The following FMN2 variants were observed in gnomAD, a reference collection of about 807,000 sequenced individuals.
The protein encoded by FMN2 is formin 2, also known as formin-2.
In FMN2, 51 loss-of-function variants were observed where a neutral mutation model predicts 142.3. The ratio of observed to expected loss-of-function variants is 0.36; its 90% CI spans 0.29 to 0.45. The LOEUF (loss-of-function observed/expected upper bound fraction) is 0.45, where lower values mean the gene tolerates loss of function less well. Ranked by LOEUF, FMN2 falls within the 20% of genes least tolerant of loss-of-function variation. The pLI, the probability that FMN2 is intolerant of heterozygous loss-of-function variation, is 1.00. For missense variants in FMN2, 1,936 were observed against 2,122.8 expected (o/e 0.91, Z 1.73); for synonymous variants, 882 against 869.8 (o/e 1.01, Z -0.25).
intron 6 of FMN2, among the ~76,000 whole-genome samples, chr1:240,252,878 T>C (rs1668322321): frequency 6.6e-6 from 1 of 151,572 alleles, no homozygotes; most frequent in Non-Finnish European, 1.5e-5. Flanking sequence ...TCATTTATTC[T>C]TCATCTTCTG....
chr1:240,323,213 C>T (rs1671040731), intron 8 of FMN2, among the ~76,000 whole-genome samples: 1 of 150,474 alleles, frequency 6.6e-6, no homozygotes, highest in Non-Finnish European at 1.5e-5. Flanking sequence ...CTCTCACACT[C>T]TCACTCTCTC....
chr1:240,269,407 C>CT (rs1257668805), intron 7 of FMN2, among the ~76,000 whole-genome samples: 1 of 151,998 alleles, frequency 6.6e-6, no homozygotes, highest in Non-Finnish European at 1.5e-5. Context: ...GACGATGTGT[C>CT]TATTTTTATG....
intron 13 of FMN2, among the ~76,000 whole-genome samples, chr1:240,341,630 G>T (rs1229200685): frequency 6.6e-6 from 1 of 152,206 alleles, no homozygotes; most frequent in Admixed American, 6.5e-5. Context: ...TTGTGATAGA[G>T]ACCTTCTATC....
At chr1:240,402,784 A>C (rs887170922) in intron 15 of FMN2, among the ~76,000 whole-genome samples, 1 of 152,244 alleles carries the variant, frequency 6.6e-6, no homozygotes, top group Non-Finnish European at 1.5e-5. Context: ...GAATTTGTCT[A>C]ATAAATGTCC....
chr1:240,408,172 G>A lies in FMN2; in HGVS notation c.4910+15610G>A, dbSNP rs558822862. On this transcript the variant is annotated intron_variant, in intron 15 of 17. Transcript: ENST00000319653. Reference sequence around the variant, plus strand: ...GTTAGCAATGAATCATGAGTTTTTCGGGGAAAAATTGATGAATTGATCAAA... The same window carrying A: ...GTTAGCAATGAATCATGAGTTTTTCAGGGAAAAATTGATGAATTGATCAAA... Among the ~76,000 whole-genome samples the A allele has an allele frequency of 1.7e-4, 26 of 152,106 alleles. 1 individual carries two copies. Among genetic ancestry groups the A allele is most frequent in the African/African-American group, 5.8e-4 (24 of 41,496 alleles).
intron 5 of FMN2, among the ~76,000 whole-genome samples, chr1:240,209,985 G>C (rs1666626367): frequency 6.6e-6 from 1 of 152,176 alleles, no homozygotes; most frequent in South Asian, 2.1e-4. Context: ...GCTTTCTTCA[G>C]AAACATGCTT....
chr1:240,310,660 A>C, intron 8 of FMN2, among the ~76,000 whole-genome samples: 1 of 152,308 alleles, frequency 6.6e-6, no homozygotes, highest in South Asian at 2.1e-4. Context: ...AGCAGTATAT[A>C]ATATTTACAG....
chr1:240,446,816 A>G (rs553310951), intron 16 of FMN2, among the ~76,000 whole-genome samples: 2 of 152,290 alleles, frequency 1.3e-5, no homozygotes, highest in South Asian at 2.1e-4. Flanking sequence ...CAGTCCCACC[A>G]TGACATGCTC....
intron 16 of FMN2, among the ~76,000 whole-genome samples, chr1:240,444,540 A>G (rs1417421975): frequency 1.4e-5 from 2 of 141,682 alleles, no homozygotes; most frequent in East Asian, 2.2e-4. Flanking sequence ...AACTTAATTT[A>G]CTGGTTTATT....
At chr1:240,148,177 GAGAGAC>G (rs966381164) in intron 2 of FMN2, among the ~76,000 whole-genome samples, 9 of 152,124 alleles carry the variant, frequency 5.9e-5, no homozygotes, top group Admixed American at 2.6e-4. Context: ...GACACACGGA[GAGAGAC>G]AGAGACAGGG....
At chr1:240,393,105 A>AACAC (rs139514088) in intron 15 of FMN2, among the ~76,000 whole-genome samples, 1 of 151,922 alleles carries the variant, frequency 6.6e-6, no homozygotes, top group African/African-American at 2.4e-5. Context: ...TACAGATATA[A>AACAC]ACACACACAC....
intron 8 of FMN2, among the ~76,000 whole-genome samples, chr1:240,321,008 TC>T (rs1177630317): frequency 6.6e-6 from 1 of 152,200 alleles, no homozygotes; most frequent in African/African-American, 2.4e-5. Context: ...AATGATCTAT[TC>T]TATTAAAACT....
At chr1:240,344,631 T>G (rs924999117) in intron 13 of FMN2, among the ~76,000 whole-genome samples, 3 of 152,194 alleles carry the variant, frequency 2.0e-5, no homozygotes, top group East Asian at 1.9e-4. Flanking sequence ...GAAGAAAATT[T>G]TTCAAATCAT....
intron 14 of FMN2, among the ~76,000 whole-genome samples, chr1:240,382,153 A>C (rs1673246698): frequency 6.6e-6 from 1 of 152,228 alleles, no homozygotes; most frequent in Non-Finnish European, 1.5e-5. Flanking sequence ...AAATGTATAA[A>C]AATAAATATC....
intron 7 of FMN2, among the ~76,000 whole-genome samples, chr1:240,285,524 G>T (rs970362497): frequency 1.3e-5 from 2 of 151,868 alleles, no homozygotes; most frequent in Non-Finnish European, 2.9e-5. Context: ...GTAGATAGAG[G>T]TAAGAAAGGG....
At chr1:240,456,643 A>T (rs1420740035) in intron 16 of FMN2, among the ~76,000 whole-genome samples, 4 of 152,086 alleles carry the variant, frequency 2.6e-5, no homozygotes, top group Non-Finnish European at 4.4e-5. Flanking sequence ...TTTAGTAGAG[A>T]CAGGGTTTCT....
intron 6 of FMN2, among the ~76,000 whole-genome samples, chr1:240,227,342 G>A (rs1667345809): frequency 6.6e-6 from 1 of 152,156 alleles, no homozygotes; most frequent in Admixed American, 6.5e-5. Context: ...GGGAAGACTT[G>A]ATATTGTTAA....
At chr1:240,347,599 A>G (rs1451069082) in intron 13 of FMN2, among the ~76,000 whole-genome samples, 1 of 152,108 alleles carries the variant, frequency 6.6e-6, no homozygotes, top group Non-Finnish European at 1.5e-5. Flanking sequence ...CCTTTTTGTT[A>G]CAAAGATGCT....
At chr1:240,285,898 T>G (rs1383535172) in intron 7 of FMN2, among the ~76,000 whole-genome samples, 1 of 151,840 alleles carries the variant, frequency 6.6e-6, no homozygotes, top group Non-Finnish European at 1.5e-5. Flanking sequence ...TTATTTTTTT[T>G]TCCTTTTTTT....
Sources: gnomAD v4.1 joint callset for allele counts (sites outside exome capture counted in the v4.1 genomes callset) on GRCh38, gnomAD v4.1.1 for gene constraint, MANE v1.5 for transcripts, NCBI Gene and HGNC (gene_info 2026-07-23, HGNC 2026-07-21) for gene names.